The following DLG2 variants were observed in gnomAD, a reference collection of about 807,000 sequenced individuals.
The protein encoded by DLG2 is discs large MAGUK scaffold protein 2.
In DLG2, 45 loss-of-function variants were observed where a neutral mutation model predicts 132.5. The observed-to-expected ratio is 0.34, with a 90% CI of 0.27 to 0.44. The LOEUF is 0.44. DLG2 is among the 20% of genes least tolerant of loss of function. The pLI is 1.00. For missense variants in DLG2, 1,045 were observed against 1,196.9 expected, an observed-to-expected ratio of 0.87 and a Z score of 1.87; for synonymous variants, 424 against 419.6, an observed-to-expected ratio of 1.01 and a Z score of -0.13.
intron 19 of DLG2, among the ~76,000 whole-genome samples, chr11:83,544,808 G>A (rs1286116937): frequency 6.6e-6 from 1 of 152,126 alleles, no homozygotes; most frequent in African/African-American, 2.4e-5. Context: ...TACACATGTG[G>A]TGGAGGTTGA....
intron 6 of DLG2, among the ~76,000 whole-genome samples, chr11:84,815,998 T>G (rs966791810): frequency 1.3e-5 from 2 of 152,030 alleles, no homozygotes; most frequent in African/African-American, 4.8e-5. Flanking sequence ...CAACTTTCAT[T>G]TGTCCTGCCA....
intron 3 of DLG2, among the ~76,000 whole-genome samples, chr11:85,427,135 C>T (rs1213892035): frequency 6.6e-6 from 1 of 152,104 alleles, no homozygotes; most frequent in Non-Finnish European, 1.5e-5. Context: ...TGTGAAAAGA[C>T]CAAATCTACA....
chr11:84,609,776 C>T (rs1444239327), intron 6 of DLG2, among the ~76,000 whole-genome samples: 4 of 152,160 alleles, frequency 2.6e-5, no homozygotes, highest in African/African-American at 4.8e-5. Context: ...ACTCCAGCAT[C>T]TTTTGCCAAC....
chr11:84,831,551 T>C (rs921211882), intron 6 of DLG2, among the ~76,000 whole-genome samples: 2 of 151,630 alleles, frequency 1.3e-5, no homozygotes, highest in African/African-American at 4.8e-5. Flanking sequence ...TCAAAACTTA[T>C]GTTCTCTTCA....
At chr11:84,269,848 C>T (rs952669109) in intron 7 of DLG2, among the ~76,000 whole-genome samples, 6 of 152,082 alleles carry the variant, frequency 3.9e-5, no homozygotes, top group Non-Finnish European at 7.4e-5. Context: ...TAAGGAAAAC[C>T]AAATTTGTAC....
At chr11:85,287,752 G>A (rs1488532336) in intron 3 of DLG2, among the ~76,000 whole-genome samples, 8 of 152,038 alleles carry the variant, frequency 5.3e-5, no homozygotes, top group Non-Finnish European at 8.8e-5. Flanking sequence ...TCCATCAAAA[G>A]TGAAATAGAT....
intron 5 of DLG2, among the ~76,000 whole-genome samples, chr11:85,115,617 G>T (rs142346371): frequency 1.3e-5 from 2 of 151,928 alleles, no homozygotes; most frequent in Non-Finnish European, 2.9e-5. Flanking sequence ...TGAGGCAAAA[G>T]GTGGAAGTAT....
intron 4 of DLG2, among the ~76,000 whole-genome samples, chr11:85,271,850 C>T (rs984727586): frequency 3.3e-5 from 5 of 152,182 alleles, no homozygotes; most frequent in African/African-American, 9.7e-5. Flanking sequence ...ATTTTACAGG[C>T]TCATAGGCCA....
chr11:85,616,749 G>A, intron 2 of DLG2, among the ~76,000 whole-genome samples: 1 of 152,294 alleles, frequency 6.6e-6, no homozygotes, highest in South Asian at 2.1e-4. Flanking sequence ...GATCTCAAGG[G>A]ATCAGGGATC....
At chr11:85,039,007 T>C (rs2061632332) in intron 6 of DLG2, among the ~76,000 whole-genome samples, 2 of 152,072 alleles carry the variant, frequency 1.3e-5, no homozygotes, top group Admixed American at 6.6e-5. Context: ...AATAGGTATA[T>C]ATTTACATAA....
At chr11:85,464,365 T>C (rs1463158133) in intron 3 of DLG2, among the ~76,000 whole-genome samples, 1 of 151,922 alleles carries the variant, frequency 6.6e-6, no homozygotes, top group Non-Finnish European at 1.5e-5. Context: ...CCCTGAAGGC[T>C]TGGAGGTTAT....
intron 3 of DLG2, among the ~76,000 whole-genome samples, chr11:85,471,799 A>T (rs1459047127): frequency 1.3e-5 from 2 of 152,220 alleles, no homozygotes; most frequent in East Asian, 3.8e-4. Flanking sequence ...AAAGGAAGAA[A>T]ATTTTTAATA....
chr11:84,108,144 A>T (rs1432429735), intron 9 of DLG2, among the ~76,000 whole-genome samples: 2 of 152,128 alleles, frequency 1.3e-5, no homozygotes, highest in Non-Finnish European at 2.9e-5. Flanking sequence ...GAAAAGATGG[A>T]GATACGATAA....
intron 7 of DLG2, among the ~76,000 whole-genome samples, chr11:84,362,486 T>C (rs1023005327): frequency 5.9e-5 from 9 of 151,460 alleles, no homozygotes; most frequent in Non-Finnish European, 1.2e-4. Flanking sequence ...AGAATTCAAA[T>C]AATCCTCTTT....
intron 6 of DLG2, among the ~76,000 whole-genome samples, chr11:85,098,670 A>T (rs1279449177): frequency 6.6e-6 from 1 of 152,202 alleles, no homozygotes; most frequent in Non-Finnish European, 1.5e-5. Context: ...GATATATTTA[A>T]ATGTGATTAC....
chr11:84,658,505 TC>T (rs1408118508), intron 6 of DLG2, among the ~76,000 whole-genome samples: 1 of 152,114 alleles, frequency 6.6e-6, no homozygotes, highest in Non-Finnish European at 1.5e-5. Context: ...GCTTGTCCCC[TC>T]TAAATCTCAT....
chr11:84,699,213 A>C (rs947527653), intron 6 of DLG2, among the ~76,000 whole-genome samples: 3 of 151,568 alleles, frequency 2.0e-5, no homozygotes, highest in Admixed American at 1.3e-4. Context: ...GAGTCAAAGA[A>C]ACCTGGATTT....
intron 16 of DLG2, among the ~76,000 whole-genome samples, chr11:83,844,243 A>G (rs968603675): frequency 6.6e-6 from 1 of 151,880 alleles, no homozygotes; most frequent in African/African-American, 2.4e-5. Flanking sequence ...CTCATAGGGT[A>G]AAAAAAAGGG....
chr11:83,886,542 G>C (rs556879709), intron 15 of DLG2, among the ~76,000 whole-genome samples: 2 of 152,266 alleles, frequency 1.3e-5, no homozygotes, highest in African/African-American at 2.4e-5. Flanking sequence ...AGATGAATGA[G>C]ACAGAAAGTT....
Sources: allele counts gnomAD v4.1 joint callset (sites outside exome capture counted in the v4.1 genomes callset), GRCh38; gene constraint gnomAD v4.1.1; transcripts MANE v1.5; gene names NCBI Gene and HGNC (gene_info 2026-07-23, HGNC 2026-07-21).